The following CENPF variants were observed in gnomAD, a reference collection of about 807,000 sequenced individuals.
The protein encoded by CENPF is centromere protein F, also known as AH antigen.
A neutral mutation model predicts 307.3 loss-of-function variants in CENPF; 214 were observed. The ratio of observed to expected loss-of-function variants is 0.70; its 90% CI spans 0.62 to 0.78. The LOEUF is 0.78. Ranked by LOEUF, CENPF falls within the 30% of genes least tolerant of loss-of-function variation. The pLI is 0.00. For synonymous variants in CENPF, 1,259 were observed against 1,270.6 expected, an observed-to-expected ratio of 0.99 and a Z score of 0.19; for missense variants, 3,401 against 3,483.9, an observed-to-expected ratio of 0.98 and a Z score of 0.60.
At position 214,644,644 on chromosome 1, in the gene CENPF, C is replaced by G. The variant is rs1185687405; in HGVS notation, c.5074C>G (p.Gln1692Glu). 1.9e-6 allele frequency: 3 copies of G among 1,613,972 alleles called. No individual in the cohort carries two copies. Among genetic ancestry groups the G allele is most frequent in the Non-Finnish European group, 2.5e-6 (3 of 1,179,926 alleles). ...AAGAACACCAAAGCATGATGTTCAT[C>G]AGATTTGTGATAAAGATGCTCAGCA... ...TERTPKHDVH[Q>E]ICDKDAQQDL... The change falls in exon 13 of 20, where the codon CAG (glutamine) becomes GAG (glutamate). Residue 1692 changes from glutamine to glutamate, a missense_variant. Transcript: ENST00000366955.
At chr1:214,622,373 C>A (rs1657532190) in intron 7 of CENPF, 92 bp downstream of exon 7, 1 of 1,054,594 alleles carries the variant, frequency 9.5e-7, no homozygotes, top group Non-Finnish European at 1.4e-6. Flanking sequence ...TATGAAATGT[C>A]AGTAATGTTC....
chr1:214,658,988 A>G lies in CENPF; in HGVS notation c.9101A>G (p.Glu3034Gly). The G allele has an allele frequency of 1.2e-6, 2 of 1,614,162 alleles. No individual in the cohort carries two copies. The highest frequency in any genetic ancestry group is 1.7e-6 in the Non-Finnish European group (2 of 1,180,008). ...AGTCTCGGCAAAGAAAATCTTGCAG[A>G]GTCCTCCAAACCAACAGCTGGTGGC... is the stretch of plus-strand genomic sequence containing the variant. ...PLSLGKENLA[E>G]SSKPTAGGSR... The change falls in exon 19 of 20, where the codon GAG (glutamate) becomes GGG (glycine). Residue 3034 changes from glutamate (E) to glycine (G), a missense_variant. By Grantham distance (98) the Glu-to-Gly change is moderately conservative. Transcript: ENST00000366955.
intron 1 of CENPF, chr1:214,605,958 C>G: frequency 6.3e-7 from 1 of 1,597,308 alleles, no homozygotes; most frequent in Non-Finnish European, 8.5e-7. Flanking sequence ...ACGCGCATGC[C>G]CGAGGTGAGC....
rs757363817 is a variant in CENPF, at chr1:214,657,292, A to G, written c.8845A>G (p.Thr2949Ala). 2 of 1,614,062 alleles carry G rather than the reference A, an allele frequency of 1.2e-6. No homozygotes were observed. Among genetic ancestry groups the G allele is most frequent in the South Asian group, 2.2e-5 (2 of 91,066 alleles). ...WENGRGPTPA[T>A]PESFSKKSKK... is the part of the protein sequence containing the mutation. ...GAATGGTAGAGGACCAACACCTGCT[A>G]CCCCAGAGAGCTTTTCTAAAAAAAG... Residue 2949 changes from threonine (T) to alanine (A), a missense_variant, in exon 18 of 20, where the codon ACC becomes GCC. By Grantham distance (58) the Thr-to-Ala change is moderately conservative. Coordinates refer to ENST00000366955, the MANE Select transcript of CENPF (RefSeq NM_016343.4).
rs200755817 is a variant in CENPF at position 214,635,208 on chromosome 1, A to G, written c.1446+2606A>G. ...AGATGAGGAGGAAAGGGAAAAACACATTCTTTGCATCCATCCCTTATCCAA... is the reference window on the plus strand; with the variant it reads ...AGATGAGGAGGAAAGGGAAAAACACGTTCTTTGCATCCATCCCTTATCCAA... On this transcript the variant is annotated intron_variant, in intron 10 of 19. Coordinates refer to ENST00000366955, the MANE Select transcript of CENPF (RefSeq NM_016343.4). Among the ~76,000 whole-genome samples, 10 of 152,348 alleles carry G rather than the reference A, an allele frequency of 6.6e-5. No homozygotes were observed. The East Asian group carries it at 1.7e-3, about 26-fold the overall frequency.
In CENPF at chr1:214,645,751, C is replaced by T; in HGVS notation, c.6181C>T (p.Leu2061=). 2 of 1,614,166 alleles carry T rather than the reference C, an allele frequency of 1.2e-6. No individual in the cohort carries two copies. Among genetic ancestry groups the T allele is most frequent in the Non-Finnish European group, 1.7e-6 (2 of 1,180,026 alleles). The change falls in exon 13 of 20, where the codon CTG becomes TTG. Residue 2061 remains leucine, a synonymous_variant. Coordinates refer to ENST00000366955, the MANE Select transcript of CENPF (RefSeq NM_016343.4). ...KCELENQIAQ[L]NKEKELLVKE... is the part of the protein sequence containing the mutation. ...TGAGCTGGAAAACCAAATTGCACAA[C>T]TGAATAAAGAGAAAGAATTGCTTGT... is the stretch of plus-strand genomic sequence containing the variant.
At chr1:214,619,807 T>C (rs915860544) in intron 5 of CENPF, among the ~76,000 whole-genome samples, 1 of 152,196 alleles carries the variant, frequency 6.6e-6, no homozygotes, top group African/African-American at 2.4e-5. Context: ...ACAATTTTTA[T>C]TCTTTTCATG....
chr1:214,648,973 A>T, intron 14 of CENPF, 146 bp downstream of exon 14: 1 of 789,070 alleles, frequency 1.3e-6, no homozygotes, highest in Non-Finnish European at 2.0e-6. Context: ...TCATAATCTG[A>T]TTTATAGTAA....
chr1:214,611,214 A>T (rs920209788), intron 1 of CENPF, among the ~76,000 whole-genome samples: 1 of 152,102 alleles, frequency 6.6e-6, no homozygotes, highest in South Asian at 2.1e-4. Flanking sequence ...TAGTTCTGTG[A>T]ACAATGTCTT....
At chr1:214,650,449 GA>G (rs1206509409) in intron 14 of CENPF, among the ~76,000 whole-genome samples, 5 of 152,132 alleles carry the variant, frequency 3.3e-5, no homozygotes, top group Non-Finnish European at 7.4e-5. Flanking sequence ...GAAAATGATG[GA>G]GAAGAGAAGG....
rs1226410938 is a variant in CENPF at position 214,632,589 on chromosome 1, G to C, written c.1433G>C (p.Arg478Thr). Residue 478 changes from arginine to threonine, a missense_variant, in exon 10 of 20, where the codon AGG (arginine) becomes ACG (threonine). Physicochemically the swap from Arg to Thr is moderately conservative, Grantham distance 71. Transcript: ENST00000366955. ...AGTCAGATCAAGGAGAATGAGCTGA[G>C]GAGAAGCATGGAGGTAAGGGAGGAG... The part of the protein sequence containing the change: ...QASQIKENEL[R>T]RSMEEMKKEN... 1 of 1,613,902 alleles carries C rather than the reference G, an allele frequency of 6.2e-7. No homozygotes were observed. The highest frequency in any genetic ancestry group is 1.3e-5 in the African/African-American group (1 of 75,046).
At chr1:214,631,674 AT>A (rs1412908108) in intron 9 of CENPF, among the ~76,000 whole-genome samples, 2 of 151,932 alleles carry the variant, frequency 1.3e-5, no homozygotes, top group Non-Finnish European at 2.9e-5. Context: ...TGATTTTTGT[AT>A]TTTTAGTAGA....
In CENPF at chr1:214,659,503, A is replaced by G. The variant is rs1401590330; in HGVS notation, c.9141+475A>G. On this transcript the variant is annotated intron_variant, in intron 19 of 19. Transcript: ENST00000366955. This position sits in a 1 kb window ranked among gnomAD's most constrained non-coding sequence, Gnocchi z 4.4. The stretch of plus-strand genomic sequence containing the variant: ...ATCTAAGGAAAGGAACTCTGTTTAT[A>G]GATCTCTCTATTTTGATTGTTGAGG... Among the ~76,000 whole-genome samples the G allele has an allele frequency of 6.6e-6, 1 of 152,032 alleles. No individual in the cohort carries two copies. The highest frequency in any genetic ancestry group is 1.9e-4 in the East Asian group (1 of 5,190).
rs371317728 is a variant in CENPF, at chr1:214,645,856, G to A, written c.6286G>A (p.Ala2096Thr). ...KLNVSKALEA[A>T]LVEKGEFALR... Reference sequence around the variant, plus strand: ...GAATGTCTCCAAGGCCTTGGAGGCCGCACTGGTGGAGAAAGGTGAGTTCGC... The same window carrying A: ...GAATGTCTCCAAGGCCTTGGAGGCCACACTGGTGGAGAAAGGTGAGTTCGC... Residue 2096 changes from alanine to threonine, a missense_variant, in exon 13 of 20, where the codon GCA (alanine) becomes ACA (threonine). By Grantham distance (58) the Ala-to-Thr change is moderately conservative. Transcript: ENST00000366955. The A allele has an allele frequency of 3.0e-5, 49 of 1,614,044 alleles. 1 individual carries two copies. In the Middle Eastern group the frequency reaches 6.6e-4, roughly 22 times the overall value.
Position 214,663,578 on chromosome 1 carries a change from G to A in CENPF, c.9142-13G>A, listed in dbSNP as rs759734443. 7 of 1,613,570 alleles carry A rather than the reference G, an allele frequency of 4.3e-6. No individual in the cohort carries two copies. The Admixed American group carries it at 6.7e-5, about 15-fold the overall frequency. ...ATGTGATTGAACCTCTAACAGAGAT[G>A]TTTGTGTTGCAGGTCAAAGTTGCTC... On this transcript the variant is annotated splice_polypyrimidine_tract_variant and intron_variant, in intron 19 of 19. Transcript: ENST00000366955.
chr1:214,643,096 G>C lies in CENPF; in HGVS notation c.4758G>C (p.Gln1586His). The C allele has an allele frequency of 6.2e-7, 1 of 1,607,226 alleles. No homozygotes were observed. The highest frequency in any genetic ancestry group is 8.5e-7 in the Non-Finnish European group (1 of 1,178,224). Reference protein sequence around the residue: ...MKNKEIQELEQLLSSERQELD... With the variant: ...MKNKEIQELEHLLSSERQELD... ...ATAAGGAAATTCAAGAGCTCGAGCA[G>C]TTATTAAGTTCTGAAAGGCAAGAGC... The change falls in exon 12 of 20, where the codon CAG becomes CAC. Residue 1586 changes from glutamine to histidine, a missense_variant. By Grantham distance (24) the Gln-to-His change is conservative. Coordinates refer to ENST00000366955, the MANE Select transcript of CENPF (RefSeq NM_016343.4).
chr1:214,613,191 A>G, intron 1 of CENPF: 1 of 250,996 alleles, frequency 4.0e-6, no homozygotes, highest in South Asian at 6.0e-5. Context: ...TTTAGGATAC[A>G]TTCTATTTTA....
Position 214,641,960 on chromosome 1 carries a change from G to A in CENPF, c.3622G>A (p.Ala1208Thr), listed in dbSNP as rs1658129817. The A allele has an allele frequency of 1.2e-6, 2 of 1,600,074 alleles. No homozygotes were observed. Among genetic ancestry groups the A allele is most frequent in the African/African-American group, 2.7e-5 (2 of 73,832 alleles). Residue 1208 changes from alanine to threonine, a missense_variant, in exon 12 of 20, where the codon GCG becomes ACG. Physicochemically the swap from Ala to Thr is moderately conservative, Grantham distance 58. Transcript: ENST00000366955. ...AGAAATTTCTCTAGATAGTTATAAT[G>A]CGCAGTTGGTGCAATTAGAAGCTAT... ...VKEISLDSYNAQLVQLEAMLR... is the reference protein window; with the variant it reads ...VKEISLDSYNTQLVQLEAMLR...
intron 6 of CENPF, among the ~76,000 whole-genome samples, chr1:214,621,226 G>A (rs563981107): frequency 6.6e-6 from 1 of 152,290 alleles, no homozygotes; most frequent in South Asian, 2.1e-4. Flanking sequence ...AGGGCGAGTG[G>A]GTTGGTTACA....
Sources: allele counts gnomAD v4.1 joint callset (sites outside exome capture counted in the v4.1 genomes callset), GRCh38; gene constraint gnomAD v4.1.1; non-coding constraint Gnocchi (gnomAD v3.1); transcripts MANE v1.5; gene names NCBI Gene and HGNC (gene_info 2026-07-23, HGNC 2026-07-21).